Variants in PRUNE2 observed in about 807,000 individuals in gnomAD.
The protein encoded by PRUNE2 is protein prune homolog 2.
Under a neutral mutation model 252.0 loss-of-function variants are expected in PRUNE2, and 164 were observed. That is an observed-to-expected ratio of 0.65 (90% CI 0.57 to 0.74). The LOEUF (loss-of-function observed/expected upper bound fraction) is 0.74, where lower values mean the gene tolerates loss of function less well. Ranked by LOEUF, PRUNE2 falls within the 30% of genes least tolerant of loss-of-function variation. PRUNE2 has a pLI of 0.00. For synonymous variants in PRUNE2, 1,292 were observed against 1,350.2 expected (o/e 0.96, Z 0.94); for missense variants, 3,495 against 3,711.0 (o/e 0.94, Z 1.51).
chr9:76,785,257 A>G (rs1305418156), intron 6 of PRUNE2: 1 of 152,212 alleles, frequency 6.6e-6, no homozygotes, highest in Non-Finnish European at 1.5e-5. Flanking sequence ...AGTTTTGAAT[A>G]AGTTGACTAT....
chr9:76,692,396 G>T, intron 9 of PRUNE2: 4 of 490,312 alleles, frequency 8.2e-6, no homozygotes, highest in Non-Finnish European at 1.5e-5. Flanking sequence ...TCCTGCTCCC[G>T]AGTGAGACTG....
At chr9:76,871,591 C>G (rs2061202033) in intron 1 of PRUNE2, among the ~76,000 whole-genome samples, 2 of 152,194 alleles carry the variant, frequency 1.3e-5, no homozygotes, top group African/African-American at 2.4e-5. Context: ...TTTAAACTTA[C>G]AGTGGTCAAT....
intron 1 of PRUNE2, among the ~76,000 whole-genome samples, chr9:76,867,729 C>T (rs187603248): frequency 4.6e-5 from 7 of 152,100 alleles, no homozygotes; most frequent in South Asian, 4.2e-4. Context: ...CCACCATGCC[C>T]GGCCAATTTT....
At chr9:76,867,735 A>AT (rs1047774563) in intron 1 of PRUNE2, among the ~76,000 whole-genome samples, 1 of 151,878 alleles carries the variant, frequency 6.6e-6, no homozygotes, top group African/African-American at 2.4e-5. Flanking sequence ...TGCCCGGCCA[A>AT]TTTTTTTGTG....
intron 9 of PRUNE2, among the ~76,000 whole-genome samples, chr9:76,690,953 T>C (rs542932360): frequency 6.6e-6 from 1 of 152,330 alleles, no homozygotes; most frequent in South Asian, 2.1e-4. Context: ...AGATAGGAAG[T>C]TTCTCTTAGC....
chr9:76,808,007 G>A (rs952762348), intron 6 of PRUNE2, among the ~76,000 whole-genome samples: 6 of 152,108 alleles, frequency 3.9e-5, no homozygotes, highest in East Asian at 1.9e-4. Flanking sequence ...GTGAAACCCC[G>A]TCTCTACTAA....
At position 76,774,450 on chromosome 9, in the gene PRUNE2, C is replaced by CTTTTTTTATTTATTTATTTATTTTTT. The variant is rs1564272256; in HGVS notation, c.756+49181_756+49182insAAAAAATAAATAAATAAATAAAAAAA. Among the ~76,000 whole-genome samples the CTTTTTTTATTTATTTATTTATTTTTT allele has an allele frequency of 6.1e-3, 251 of 41,366 alleles. 5 individuals are homozygous for CTTTTTTTATTTATTTATTTATTTTTT. Among genetic ancestry groups the CTTTTTTTATTTATTTATTTATTTTTT allele is most frequent in the Middle Eastern group, 0.016 (1 of 62 alleles). 27.1% of individuals were successfully genotyped at this position (41,366 alleles called of 152,430 possible). Reference sequence around the variant, plus strand: ...ATCGTTCCTGGCCTCCAGTTCAACCCTTTTTTTTTTTTTTTTTTTTTTTTT... The same window carrying CTTTTTTTATTTATTTATTTATTTTTT: ...ATCGTTCCTGGCCTCCAGTTCAACCCTTTTTTTATTTATTTATTTATTTTTTTTTTTTTTTTTTTTTTTTTTTTTTT... On this transcript the variant is annotated intron_variant, in intron 6 of 18. Transcript: ENST00000376718.
At chr9:76,870,983 T>C (rs972709114) in intron 1 of PRUNE2, among the ~76,000 whole-genome samples, 1 of 152,194 alleles carries the variant, frequency 6.6e-6, no homozygotes, top group Non-Finnish European at 1.5e-5. Flanking sequence ...CTATGGATCA[T>C]GTTGTTTTTC....
At chr9:76,666,307 T>TC (rs2040152468) in intron 9 of PRUNE2, among the ~76,000 whole-genome samples, 1 of 152,156 alleles carries the variant, frequency 6.6e-6, no homozygotes. Flanking sequence ...AAGACTCTAC[T>TC]CCTCCACCTC....
chr9:76,724,517 T>C (rs2047937752), intron 6 of PRUNE2, among the ~76,000 whole-genome samples: 1 of 151,954 alleles, frequency 6.6e-6, no homozygotes. Context: ...TGAAGTGGGC[T>C]GATTTCAGGC....
At chr9:76,884,116 C>A (rs964372772) in intron 1 of PRUNE2, among the ~76,000 whole-genome samples, 5 of 152,082 alleles carry the variant, frequency 3.3e-5, no homozygotes, top group African/African-American at 1.2e-4. Flanking sequence ...TCTGGTTGGG[C>A]CCAGATGTAA....
chr9:76,712,506 A>G (rs1383480438), intron 7 of PRUNE2, among the ~76,000 whole-genome samples: 1 of 152,136 alleles, frequency 6.6e-6, no homozygotes, highest in Non-Finnish European at 1.5e-5. Flanking sequence ...TGGGGAGAAG[A>G]GAGGAGGACT....
At chr9:76,769,988 G>A (rs768860306) in intron 6 of PRUNE2, among the ~76,000 whole-genome samples, 13 of 152,114 alleles carry the variant, frequency 8.5e-5, no homozygotes, top group Admixed American at 7.2e-4. Context: ...CAAGAGCAGT[G>A]AAGTCCATTT....
intron 11 of PRUNE2, among the ~76,000 whole-genome samples, chr9:76,649,612 T>TGATAGGTAGATA (rs1554795864): frequency 6.7e-6 from 1 of 149,868 alleles, no homozygotes; most frequent in African/African-American, 2.5e-5. Context: ...GATAGATAGA[T>TGATAGGTAGATA]GATAGATAGA....
intron 6 of PRUNE2, among the ~76,000 whole-genome samples, chr9:76,766,359 G>A (rs1429430864): frequency 6.6e-6 from 1 of 152,084 alleles, no homozygotes; most frequent in Non-Finnish European, 1.5e-5. Flanking sequence ...GTGGCTGTGT[G>A]CCTTGTGGGA....
At position 76,708,816 on chromosome 9, in the gene PRUNE2, G is replaced by A. The variant is rs1199809444; in HGVS notation, c.3458C>T (p.Thr1153Ile). 1.2e-6 allele frequency: 2 copies of A among 1,613,892 alleles called. No homozygotes were observed. Among genetic ancestry groups the A allele is most frequent in the Non-Finnish European group, 1.7e-6 (2 of 1,179,888 alleles). ...GGAAIPSDGQ[T>I]EGYMAEGSEP... Reference sequence around the variant, plus strand: ...GGAACCTTCAGCCATGTATCCTTCTGTTTGACCATCACTGGGGATTGCCGC... The same window carrying A: ...GGAACCTTCAGCCATGTATCCTTCTATTTGACCATCACTGGGGATTGCCGC... The change falls in exon 8 of 19, where the codon ACA (threonine) becomes ATA (isoleucine). Residue 1153 changes from threonine (T) to isoleucine (I), a missense_variant. Physicochemically the swap from Thr to Ile is moderately conservative, Grantham distance 89. Coordinates refer to ENST00000376718, the MANE Select transcript of PRUNE2 (RefSeq NM_015225.3).
chr9:76,860,298 G>A (rs922260361), intron 1 of PRUNE2, among the ~76,000 whole-genome samples: 3 of 152,186 alleles, frequency 2.0e-5, no homozygotes, highest in South Asian at 2.1e-4. Context: ...CAATTAATAC[G>A]AAAACAACAG....
intron 16 of PRUNE2, 76 bp downstream of exon 16, chr9:76,629,116 T>C: frequency 1.2e-6 from 1 of 854,880 alleles, no homozygotes; most frequent in Non-Finnish European, 1.9e-6. Context: ...GTGCTAGGAT[T>C]ACAGGCGTGA....
chr9:76,693,520 T>C (rs2134511681), intron 9 of PRUNE2, among the ~76,000 whole-genome samples: 1 of 147,288 alleles, frequency 6.8e-6, no homozygotes, highest in African/African-American at 2.5e-5. Context: ...GTCAGCTCAC[T>C]GCAACCTCTG....
Sources: allele counts gnomAD v4.1 joint callset (sites outside exome capture counted in the v4.1 genomes callset), GRCh38; gene constraint gnomAD v4.1.1; transcripts MANE v1.5; gene names NCBI Gene and HGNC (gene_info 2026-07-23, HGNC 2026-07-21).